Variants in NAT10 observed in about 807,000 individuals in gnomAD.
NAT10 encodes RNA cytidine acetyltransferase.
A neutral mutation model predicts 132.2 loss-of-function variants in NAT10; 109 were observed. The ratio of observed to expected loss-of-function variants is 0.82; its 90% CI spans 0.71 to 0.97. The LOEUF is 0.97. Among genes scored for constraint, NAT10 ranks in the 50% least tolerant of loss-of-function variants. NAT10 has a pLI of 0.00. For synonymous variants in NAT10, 479 were observed against 478.0 expected, an observed-to-expected ratio of 1.00 and a Z score of -0.03; for missense variants, 1,184 against 1,263.4, an observed-to-expected ratio of 0.94 and a Z score of 0.95.
At chr11:34,112,826 C>G (rs1851718761) in intron 4 of NAT10, among the ~76,000 whole-genome samples, 1 of 152,146 alleles carries the variant, frequency 6.6e-6, no homozygotes, top group African/African-American at 2.4e-5. Flanking sequence ...CACTGGTGGT[C>G]TTTGTTTTAT....
At chr11:34,139,013 G>A in intron 21 of NAT10, 178 bp from the exon 22 acceptor site, 1 of 592,524 alleles carries the variant, frequency 1.7e-6, no homozygotes, top group Non-Finnish European at 3.0e-6. Context: ...GAACTGAGGT[G>A]ATATGAGGAA....
chr11:34,144,369 C>G (rs1565121431), intron 28 of NAT10, among the ~76,000 whole-genome samples: 1 of 152,126 alleles, frequency 6.6e-6, no homozygotes, highest in Non-Finnish European at 1.5e-5. Flanking sequence ...GAAAAATACT[C>G]TTTTTCATAA....
At chr11:34,126,241 A>T (rs1462761722) in intron 11 of NAT10, among the ~76,000 whole-genome samples, 1 of 151,752 alleles carries the variant, frequency 6.6e-6, no homozygotes, top group Non-Finnish European at 1.5e-5. Flanking sequence ...AAGTCCCTCA[A>T]CCCCTTTCCA....
Position 34,105,630 on chromosome 11 carries a change from G to C in NAT10, c.-178G>C, listed in dbSNP as rs1450611856. 6.6e-6 allele frequency: 1 copy of C among 152,364 alleles called. No homozygotes were observed. Among genetic ancestry groups the C allele is most frequent in the Non-Finnish European group, 1.5e-5 (1 of 68,118 alleles). 9.4% of individuals were successfully genotyped at this position (152,364 alleles called of 1,614,324 possible). A position where few individuals can be genotyped will look rare whatever the true frequency, so the allele number is the denominator to read the frequency against. ...GCGCTTGCGCACGTGCTGTCTACCA[G>C]TTCCTGAGAGGGACGCGTGCCGCGG... On this transcript the variant is annotated 5_prime_UTR_variant, in exon 1 of 29. Transcript: ENST00000257829.
intron 14 of NAT10, 136 bp downstream of exon 14, chr11:34,131,667 C>T (rs1313729439): frequency 8.6e-5 from 63 of 736,526 alleles, no homozygotes; most frequent in Middle Eastern, 4.4e-4. Context: ...TTTCCTTTTT[C>T]TCTTCCTTTT....
At chr11:34,128,362 C>CAAAAAAAAAAAAAAAAAAAAAA (rs914837839) in intron 12 of NAT10, among the ~76,000 whole-genome samples, 1 of 67,236 alleles carries the variant, frequency 1.5e-5, no homozygotes. Flanking sequence ...AAAAACAAAA[C>CAAAAAAAAAAAAAAAAAAAAAA]AAAAAAAAAA....
rs1166193513 is a variant in NAT10, at chr11:34,124,406, G to A, written c.1107+6G>A. ...AACACAGGCAGACTATTCAGGTGAG[G>A]CTTGTTCTCAGACCCTGATGTGCAG... On this transcript the variant is annotated splice_donor_region_variant and intron_variant, in intron 11 of 28. Transcript: ENST00000257829. 1 of 1,608,602 alleles carries A rather than the reference G, an allele frequency of 6.2e-7. No individual in the cohort carries two copies. The highest frequency in any genetic ancestry group is 1.7e-5 in the Admixed American group (1 of 59,824).
chr11:34,142,816 G>A (rs1245999559), intron 27 of NAT10, among the ~76,000 whole-genome samples: 2 of 152,180 alleles, frequency 1.3e-5, no homozygotes, highest in Admixed American at 1.3e-4. Flanking sequence ...TCCCTCCACT[G>A]CCTGGATTGA....
chr11:34,120,141 T>TG (rs780259221), intron 8 of NAT10, among the ~76,000 whole-genome samples: 2 of 113,550 alleles, frequency 1.8e-5, no homozygotes, highest in Non-Finnish European at 1.7e-5. Flanking sequence ...TTGTTGCTGT[T>TG]GGTTTTTTTT....
At chr11:34,108,023 C>T (rs1188436327) in intron 1 of NAT10, among the ~76,000 whole-genome samples, 188 bp from the exon 2 acceptor site, 1 of 152,156 alleles carries the variant, frequency 6.6e-6, no homozygotes. Flanking sequence ...GTTTTCTCAC[C>T]TCCCAAGCCT....
rs910866715 is a variant in NAT10, at chr11:34,118,631, C to T, written c.780+128C>T. On this transcript the variant is annotated intron_variant, in intron 8 of 28. Transcript: ENST00000257829. ...GGAGAAGGGGACTTTTCCCCTTGCT[C>T]ATACTCGTGTGTGCTCAGCAACAGT... 7.5e-6 allele frequency: 5 copies of T among 666,752 alleles called. No homozygotes were observed. The Admixed American group carries it at 1.2e-4, about 16-fold the overall frequency. The allele number at this position is 666,752 out of a possible 1,614,324, so 41.3% of individuals were successfully genotyped here.
At chr11:34,142,884 TTC>T (rs1852365711) in intron 27 of NAT10, among the ~76,000 whole-genome samples, 1 of 152,190 alleles carries the variant, frequency 6.6e-6, no homozygotes, top group East Asian at 1.9e-4. Context: ...GTAGTCCTGT[TTC>T]TGGGTCATTA....
At chr11:34,128,673 C>A (rs1246814261) in intron 12 of NAT10, among the ~76,000 whole-genome samples, 1 of 152,190 alleles carries the variant, frequency 6.6e-6, no homozygotes, top group Non-Finnish European at 1.5e-5. Flanking sequence ...ACTTTTCAAA[C>A]AGCTTTATTG....
intron 3 of NAT10, among the ~76,000 whole-genome samples, chr11:34,111,062 A>C (rs76308865): frequency 6.6e-6 from 1 of 152,080 alleles, no homozygotes; most frequent in African/African-American, 2.4e-5. Context: ...GGTTTTCACT[A>C]TTTTTCATTT....
In NAT10 at chr11:34,124,550, A is replaced by G. The variant is rs2132953394; in HGVS notation, c.1107+150A>G. ...GTGTTGTATGCTAAACCTGTTCCAGATTTTCAGACTCTTCTAAAGAAAAAC... is the reference window on the plus strand; with the variant it reads ...GTGTTGTATGCTAAACCTGTTCCAGGTTTTCAGACTCTTCTAAAGAAAAAC... On this transcript the variant is annotated intron_variant, in intron 11 of 28. Coordinates refer to ENST00000257829, the MANE Select transcript of NAT10 (RefSeq NM_024662.3). The G allele has an allele frequency of 6.3e-6, 3 of 472,512 alleles. No individual in the cohort carries two copies. In the East Asian group the frequency reaches 1.0e-4, roughly 16 times the overall value. The allele number at this position is 472,512 out of a possible 1,614,324, so 29.3% of individuals were successfully genotyped here.
intron 6 of NAT10, among the ~76,000 whole-genome samples, chr11:34,116,895 A>AT (rs1275938185): frequency 2.0e-5 from 3 of 151,590 alleles, no homozygotes; most frequent in Non-Finnish European, 4.4e-5. Context: ...GTGCCTGGCC[A>AT]TTTTTTGTAT....
chr11:34,145,053 G>A (rs867017229), intron 28 of NAT10, among the ~76,000 whole-genome samples: 4 of 152,220 alleles, frequency 2.6e-5, no homozygotes, highest in South Asian at 4.1e-4. Context: ...ACCTGTCTCT[G>A]TTTTGTACAG....
intron 1 of NAT10, among the ~76,000 whole-genome samples, chr11:34,107,962 T>C (rs1260703078): frequency 6.6e-6 from 1 of 152,246 alleles, no homozygotes; most frequent in Non-Finnish European, 1.5e-5. Flanking sequence ...TTTCTGGCTT[T>C]TAAAAAATAT....
intron 19 of NAT10, 82 bp from the exon 20 acceptor site, chr11:34,136,560 A>G (rs1852216715): frequency 3.2e-6 from 5 of 1,561,054 alleles, no homozygotes; most frequent in East Asian, 4.5e-5. Flanking sequence ...TGCTAAGTCC[A>G]GAGTGCGCTG....
Sources: allele counts gnomAD v4.1 joint callset (sites outside exome capture counted in the v4.1 genomes callset), GRCh38; gene constraint gnomAD v4.1.1; transcripts MANE v1.5; gene names NCBI Gene and HGNC (gene_info 2026-07-23, HGNC 2026-07-21).